Variants in CTDP1 observed in about 807,000 individuals in gnomAD.
CTDP1 encodes the protein CTD phosphatase 1.
Under a neutral mutation model 91.8 loss-of-function variants are expected in CTDP1, and 47 were observed. The observed-to-expected ratio is 0.51, with a 90% CI of 0.41 to 0.65. The LOEUF (loss-of-function observed/expected upper bound fraction) is 0.65, where lower values mean the gene tolerates loss of function less well. CTDP1 is among the 30% of genes least tolerant of loss of function. CTDP1 has a pLI of 0.00. For missense variants in CTDP1, 1,272 were observed against 1,373.7 expected, an observed-to-expected ratio of 0.93 and a Z score of 1.17; for synonymous variants, 656 against 598.5, an observed-to-expected ratio of 1.10 and a Z score of -1.40.
intron 8 of CTDP1, among the ~76,000 whole-genome samples, chr18:79,716,535 A>G (rs960846934): frequency 2.6e-5 from 4 of 152,292 alleles, no homozygotes; most frequent in Admixed American, 1.3e-4. Context: ...TCCTGTGGGC[A>G]GTCAGACCCT....
upstream of CTDP1, chr18:79,678,767 A>G (rs2085289241): frequency 6.6e-6 from 1 of 152,368 alleles, no homozygotes; most frequent in African/African-American, 2.4e-5. Context: ...AAAAATTAAA[A>G]CAGTCCAGAG....
chr18:79,748,595 C>T (rs963351230), intron 12 of CTDP1, among the ~76,000 whole-genome samples: 2 of 152,210 alleles, frequency 1.3e-5, no homozygotes, highest in Non-Finnish European at 2.9e-5. Context: ...GGGATGGTGG[C>T]GCCTGCCCGC....
Position 79,726,231 on chromosome 18 carries a change from G to A in CTDP1, c.2418-2676G>A, listed in dbSNP as rs1198443729. Among the ~76,000 whole-genome samples the A allele has an allele frequency of 5.9e-5, 9 of 152,190 alleles. No individual in the cohort carries two copies. In the South Asian group the frequency reaches 1.2e-3, roughly 21 times the overall value. On this transcript the variant is annotated intron_variant, in intron 10 of 12. Transcript: ENST00000613122. ...GTTGGGTGACTTCTGTTAGATTTTC[G>A]GGTTCACAGCCTTCCTCTGTCTCCT...
intron 11 of CTDP1, among the ~76,000 whole-genome samples, chr18:79,732,059 C>T (rs533440823): frequency 2.7e-4 from 40 of 149,412 alleles, no homozygotes; most frequent in African/African-American, 9.8e-4. Context: ...GACATGAGAA[C>T]TCGCTAACAT....
chr18:79,728,951 C>G lies in CTDP1; in HGVS notation c.2462C>G (p.Pro821Arg). ...CCGCAGATGTTTGGTGAAGAGCTGCCTGACGCTCAGGACGGAGAGCAGCCT... is the reference window on the plus strand; with the variant it reads ...CCGCAGATGTTTGGTGAAGAGCTGCGTGACGCTCAGGACGGAGAGCAGCCT... ...PQPQMFGEEL[P>R]DAQDGEQPGP... Residue 821 changes from proline to arginine, a missense_variant, in exon 11 of 13, where the codon CCT (proline) becomes CGT (arginine). By Grantham distance (103) the Pro-to-Arg change is moderately radical. Around this residue, in one of 3 missense-constraint regions of CTDP1, gnomAD observed 881 missense variants for 911.6 expected, o/e 0.97. Coordinates refer to ENST00000613122, the MANE Select transcript of CTDP1 (RefSeq NM_004715.5). 1 of 1,614,204 alleles carries G rather than the reference C, an allele frequency of 6.2e-7. No individual in the cohort carries two copies. Among genetic ancestry groups the G allele is most frequent in the South Asian group, 1.1e-5 (1 of 91,088 alleles).
At chr18:79,732,352 C>T (rs1286397891) in intron 11 of CTDP1, among the ~76,000 whole-genome samples, 2 of 145,128 alleles carry the variant, frequency 1.4e-5, no homozygotes, top group East Asian at 2.2e-4. Context: ...CCCAAAATCA[C>T]GTGAGACATG....
At chr18:79,728,635 C>A (rs1177545818) in intron 10 of CTDP1, among the ~76,000 whole-genome samples, 1 of 90,096 alleles carries the variant, frequency 1.1e-5, no homozygotes, top group East Asian at 4.1e-4. Flanking sequence ...ATGCTCTCTG[C>A]CCCACGGGGG....
intron 4 of CTDP1, among the ~76,000 whole-genome samples, chr18:79,704,519 G>A (rs1426979968): frequency 6.6e-6 from 1 of 152,138 alleles, no homozygotes; most frequent in Non-Finnish European, 1.5e-5. Flanking sequence ...GTCCCGTGTG[G>A]AGGGGCGTGT....
upstream of CTDP1, chr18:79,679,284 C>T (rs971804873): frequency 2.5e-5 from 10 of 404,896 alleles, no homozygotes; most frequent in African/African-American, 2.0e-4. Context: ...GGCGTGGGGT[C>T]CGGGGGGGGA....
intron 5 of CTDP1, among the ~76,000 whole-genome samples, chr18:79,706,074 G>T (rs1274220335): frequency 1.3e-5 from 2 of 152,314 alleles, no homozygotes; most frequent in South Asian, 4.1e-4. Context: ...GTTAGGAGGG[G>T]CGTGGGAGGT....
chr18:79,733,663 A>G (rs2086610922), intron 11 of CTDP1, among the ~76,000 whole-genome samples: 4 of 151,552 alleles, frequency 2.6e-5, no homozygotes, highest in Admixed American at 2.6e-4. Flanking sequence ...ACCTCGTTTC[A>G]GCCTGTTCTG....
intron 7 of CTDP1, among the ~76,000 whole-genome samples, chr18:79,714,088 T>C (rs74661889): frequency 2.2e-4 from 31 of 143,560 alleles, no homozygotes; most frequent in East Asian, 2.1e-3. Flanking sequence ...GGGCTTACGG[T>C]CACGGTGGCG....
rs186355980 is a variant in CTDP1 at position 79,694,529 on chromosome 18, T to C, written c.315-696T>C. Among the ~76,000 whole-genome samples, 205 of 126,418 alleles carry C rather than the reference T, an allele frequency of 1.6e-3. 7 individuals are homozygous for C. Among genetic ancestry groups the C allele is most frequent in the African/African-American group, 4.2e-3 (145 of 34,612 alleles). The allele number at this position is 126,418 out of a possible 152,430, so 82.9% of individuals were successfully genotyped here. ...GGTGGTCGGAGCAGCCCGGCTGGGG[T>C]GGGAGTGTGGGGGCTGCGGACACCT... is the stretch of plus-strand genomic sequence containing the variant. On this transcript the variant is annotated intron_variant, in intron 1 of 12. Transcript: ENST00000613122.
At chr18:79,742,073 CGTGGGAGAGAGGCCTGGGG>C (rs2086788779) in intron 12 of CTDP1, among the ~76,000 whole-genome samples, 1 of 150,238 alleles carries the variant, frequency 6.7e-6, no homozygotes. Context: ...CATGAGGCGT[CGTGGGAGAGAGGCCTGGGG>C]GCAGCAGAGG....
chr18:79,699,104 G>C (rs1225936754), intron 4 of CTDP1, among the ~76,000 whole-genome samples: 1 of 152,102 alleles, frequency 6.6e-6, no homozygotes, highest in East Asian at 1.9e-4. Flanking sequence ...CCGGAATTCA[G>C]GTCTAACCCA....
At chr18:79,684,584 C>T (rs1415196820) in intron 1 of CTDP1, among the ~76,000 whole-genome samples, 1 of 148,084 alleles carries the variant, frequency 6.8e-6, no homozygotes, top group Admixed American at 6.6e-5. Context: ...TGTCACCAGG[C>T]AAGGTGGGTC....
Position 79,753,761 on chromosome 18 carries a change from C to T in CTDP1, c.2857C>T (p.Leu953=), listed in dbSNP as rs745341456. ...SSEADEMAKA[L]EAELNDLM Reference sequence around the variant, plus strand: ...CGAGGCCGACGAGATGGCCAAGGCGCTGGAGGCGGAGCTCAACGACCTCAT... The same window carrying T: ...CGAGGCCGACGAGATGGCCAAGGCGTTGGAGGCGGAGCTCAACGACCTCAT... The change falls in exon 13 of 13, where the codon CTG becomes TTG. Residue 953 remains leucine, a synonymous_variant. Coordinates refer to ENST00000613122, the MANE Select transcript of CTDP1 (RefSeq NM_004715.5). 1 of 1,613,830 alleles carries T rather than the reference C, an allele frequency of 6.2e-7. No homozygotes were observed. The highest frequency in any genetic ancestry group is 1.7e-5 in the Admixed American group (1 of 60,014).
At chr18:79,695,438 T>C in intron 2 of CTDP1, 130 bp downstream of exon 2, 1 of 785,374 alleles carries the variant, frequency 1.3e-6, no homozygotes, top group South Asian at 1.4e-5. Flanking sequence ...GACGCCTCCC[T>C]TGGGCCCCAT....
rs372541298 is a variant in CTDP1, at chr18:79,751,365, C to T, written c.2748-2287C>T. 1.9e-4 allele frequency among the ~76,000 whole-genome samples: 28 copies of T among 149,852 alleles called. No homozygotes were observed. The South Asian group carries it at 2.8e-3, about 15-fold the overall frequency. On this transcript the variant is annotated intron_variant, in intron 12 of 12. Coordinates refer to ENST00000613122, the MANE Select transcript of CTDP1 (RefSeq NM_004715.5). ...GCAGGTCCAGGAGGGAAGGAGGGAG[C>T]GGGGGAGGGGCTGTCATCCTACGGC...
Sources: gnomAD v4.1 joint callset for allele counts (sites outside exome capture counted in the v4.1 genomes callset) on GRCh38, gnomAD v4.1.1 for gene constraint, gnomAD v4.1.1 regional missense constraint, MANE v1.5 for transcripts, NCBI Gene and HGNC (gene_info 2026-07-23, HGNC 2026-07-21) for gene names.